NXPE4: variants seen among roughly 807,000 people sequenced by gnomAD.
NXPE4 encodes neurexophilin and PC-esterase domain family member 4, also known as NXPE family member 4.
NXPE4 carries 42 observed loss-of-function variants against 33.3 expected under a neutral mutation model. The observed-to-expected ratio is 1.26, with a 90% confidence interval of 0.98 to 1.63. The LOEUF is 1.63. Among genes scored for constraint, NXPE4 ranks in the 40% most tolerant of loss-of-function variants. NXPE4 has a pLI of 0.00. For missense variants in NXPE4, 709 were observed against 647.6 expected, an observed-to-expected ratio of 1.09 and a Z score of -1.03; for synonymous variants, 253 against 234.9, an observed-to-expected ratio of 1.08 and a Z score of -0.71.
chr11:114,668,942 T>C, the NXPE4 span, among the ~76,000 whole-genome samples: 1 of 152,104 alleles, frequency 6.6e-6, no homozygotes, highest in Non-Finnish European at 1.5e-5. Context: ...ATTAGAAGAA[T>C]GGAATCTCTG....
the NXPE4 span, among the ~76,000 whole-genome samples, chr11:114,638,963 C>A: frequency 6.6e-6 from 1 of 152,060 alleles, no homozygotes; most frequent in African/African-American, 2.4e-5. Context: ...AGATCTCCAG[C>A]TGTGAGCTGG....
At chr11:114,633,887 C>G in the NXPE4 span, among the ~76,000 whole-genome samples, 1 of 151,944 alleles carries the variant, frequency 6.6e-6, no homozygotes, top group African/African-American at 2.4e-5. Flanking sequence ...GGGTTGGTTC[C>G]AAGTCTGCTA....
intron 5 of NXPE4, among the ~76,000 whole-genome samples, chr11:114,576,313 C>T (rs555072724): frequency 6.6e-6 from 1 of 151,678 alleles, no homozygotes; most frequent in South Asian, 2.1e-4. Context: ...TGACCAAGGA[C>T]CCAAAAGCAA....
the NXPE4 span, among the ~76,000 whole-genome samples, chr11:114,617,018 G>C: frequency 6.6e-5 from 10 of 151,938 alleles, no homozygotes; most frequent in African/African-American, 2.4e-4. Flanking sequence ...TGGATAATAA[G>C]TATTTCCTCG....
chr11:114,660,728 T>C, the NXPE4 span, among the ~76,000 whole-genome samples: 1 of 152,110 alleles, frequency 6.6e-6, no homozygotes, highest in Non-Finnish European at 1.5e-5. Context: ...CTTGCTGTTC[T>C]TATTCAGCAT....
the NXPE4 span, among the ~76,000 whole-genome samples, chr11:114,610,582 T>G: frequency 9.4e-6 from 1 of 106,790 alleles, no homozygotes; most frequent in East Asian, 2.0e-4. Context: ...CGGTGGATAA[T>G]AGGTATTGCC....
chr11:114,626,372 A>AC, the NXPE4 span, among the ~76,000 whole-genome samples: 1 of 152,024 alleles, frequency 6.6e-6, no homozygotes. Flanking sequence ...CTGACCCCTG[A>AC]CCCCCGAGCA....
chr11:114,641,814 T>C, the NXPE4 span, among the ~76,000 whole-genome samples: 5 of 151,946 alleles, frequency 3.3e-5, no homozygotes, highest in Admixed American at 1.3e-4. Context: ...TGAAAAAGGG[T>C]ATATCACATC....
chr11:114,601,901 AT>A, the NXPE4 span, among the ~76,000 whole-genome samples: 6 of 43,538 alleles, frequency 1.4e-4, no homozygotes, highest in Admixed American at 1.8e-3. Flanking sequence ...TTATATTTAT[AT>A]ATATTATATA....
chr11:114,571,272 G>A lies in NXPE4; in HGVS notation c.1301C>T (p.Ser434Phe), dbSNP rs1326441371. Residue 434 changes from serine to phenylalanine, a missense_variant, in exon 6 of 6, where the codon TCC becomes TTC. By Grantham distance (155) the Ser-to-Phe change is radical. Coordinates refer to ENST00000375478, the MANE Select transcript of NXPE4 (RefSeq NM_001077639.2). ...AAAGGGTCTGAAATGCTGGCCCAGG[G>A]AAATAACAATGACAGTATTTTTTTC... ...GGEKNTVIVI[S>F]LGQHFRPFPI... is the part of the protein sequence containing the mutation. 6.2e-7 allele frequency: 1 copy of A among 1,613,924 alleles called. No homozygotes were observed. The highest frequency in any genetic ancestry group is 8.5e-7 in the Non-Finnish European group (1 of 1,179,926).
chr11:114,656,502 C>G, the NXPE4 span, among the ~76,000 whole-genome samples: 1 of 152,012 alleles, frequency 6.6e-6, no homozygotes, highest in Non-Finnish European at 1.5e-5. Flanking sequence ...GAATCATGCT[C>G]CCTAGATCCC....
At position 114,582,711 on chromosome 11, in the gene NXPE4, T is replaced by A. The variant is rs200385279; in HGVS notation, c.407A>T (p.Asp136Val). ...HLGRRKQYGG[D>V]FLRARMSSPA... The stretch of plus-strand genomic sequence containing the variant: ...GGAAGACATCCTGGCCCTCAGGAAA[T>A]CCCCGCCATATTGCTTCCTGCGTCC... Residue 136 changes from aspartate to valine, a missense_variant, in exon 3 of 6, where the codon GAT (aspartate) becomes GTT (valine). By Grantham distance (152) the Asp-to-Val change is radical (BLOSUM62 -3). Coordinates refer to ENST00000375478, the MANE Select transcript of NXPE4 (RefSeq NM_001077639.2). 6.2e-7 allele frequency: 1 copy of A among 1,612,564 alleles called. No individual in the cohort carries two copies. The highest frequency in any genetic ancestry group is 8.5e-7 in the Non-Finnish European group (1 of 1,179,454).
Position 114,571,044 on chromosome 11 carries a change from A to T in NXPE4, c.1529T>A (p.Ile510Asn). Residue 510 changes from isoleucine to asparagine, a missense_variant, in exon 6 of 6, where the codon ATC becomes AAC. Transcript: ENST00000375478. The stretch of plus-strand genomic sequence containing the variant: ...AATTGTTATATCCCAGGCATCAATG[A>T]TACTCACACTGAGATCCTGGAAAAT... ...KDIFQDLSVS[I>N]IDAWDITIAY... 2 of 1,613,602 alleles carry T rather than the reference A, an allele frequency of 1.2e-6. No individual in the cohort carries two copies. Among genetic ancestry groups the T allele is most frequent in the Admixed American group, 1.7e-5 (1 of 59,992 alleles).
the NXPE4 span, among the ~76,000 whole-genome samples, chr11:114,639,853 T>C: frequency 1.1e-5 from 1 of 91,528 alleles, no homozygotes; most frequent in Non-Finnish European, 1.9e-5. Flanking sequence ...TAAAATATAA[T>C]ATATATTATA....
chr11:114,630,203 C>A, the NXPE4 span, among the ~76,000 whole-genome samples: 3 of 151,648 alleles, frequency 2.0e-5, no homozygotes, highest in East Asian at 3.8e-4. Context: ...AAAAAAGAGC[C>A]CTCATCGCCA....
At chr11:114,634,234 T>C in the NXPE4 span, among the ~76,000 whole-genome samples, 1 of 152,044 alleles carries the variant, frequency 6.6e-6, no homozygotes, top group Non-Finnish European at 1.5e-5. Context: ...CATTTTTTCA[T>C]GTGTTTTTTG....
chr11:114,594,664 C>A lies in NXPE4; in HGVS notation c.96G>T (p.Lys32Asn). 6.3e-7 allele frequency: 1 copy of A among 1,583,580 alleles called. No homozygotes were observed. Among genetic ancestry groups the A allele is most frequent in the Non-Finnish European group, 8.6e-7 (1 of 1,156,514 alleles). The part of the protein sequence containing the change: ...IIFTVFQNST[K>N]VWSALNLSIS... ...ACCACATAAATAAAGCATTTCCTAC[C>A]TTTGTGGAGTTCTGGAAAACTGTAA... The change falls in exon 2 of 6, where the codon AAG becomes AAT. Residue 32 changes from lysine (K) to asparagine (N), a missense_variant and splice_region_variant. Physicochemically the swap from Lys to Asn is moderately conservative, Grantham distance 94 (BLOSUM62 0). Coordinates refer to ENST00000375478, the MANE Select transcript of NXPE4 (RefSeq NM_001077639.2).
chr11:114,668,382 T>C, the NXPE4 span, among the ~76,000 whole-genome samples: 1 of 151,830 alleles, frequency 6.6e-6, no homozygotes, highest in Non-Finnish European at 1.5e-5. Context: ...AACTATGAGA[T>C]AATAAATGTT....
At chr11:114,608,397 A>G in the NXPE4 span, among the ~76,000 whole-genome samples, 4 of 151,966 alleles carry the variant, frequency 2.6e-5, no homozygotes, top group East Asian at 7.8e-4. Flanking sequence ...CCTCATGGGT[A>G]ACCACTGTTA....
Sources: allele counts gnomAD v4.1 joint callset (sites outside exome capture counted in the v4.1 genomes callset), GRCh38; gene constraint gnomAD v4.1.1; transcripts MANE v1.5; gene names NCBI Gene and HGNC (gene_info 2026-07-23, HGNC 2026-07-21).